The following KCNU1 variants were observed in gnomAD, a reference collection of about 807,000 sequenced individuals.
KCNU1 encodes potassium channel subfamily U member 1.
In KCNU1, 93 loss-of-function variants were observed where a neutral mutation model predicts 126.8. That is an observed-to-expected ratio of 0.73 (90% confidence interval 0.62 to 0.87). The LOEUF is 0.87. KCNU1 is among the 40% of genes least tolerant of loss of function. KCNU1 has a pLI of 0.00. For missense variants in KCNU1, 1,330 were observed against 1,367.1 expected (o/e 0.97, Z 0.43); for synonymous variants, 523 against 494.2 (o/e 1.06, Z -0.77).
intron 19 of KCNU1, among the ~76,000 whole-genome samples, chr8:36,871,579 C>A (rs1441388360): frequency 6.6e-6 from 1 of 152,266 alleles, no homozygotes; most frequent in African/African-American, 2.4e-5. Context: ...CATCTCTCTT[C>A]GTTACTGTCA....
At chr8:36,908,528 C>T (rs903305293) in intron 20 of KCNU1, among the ~76,000 whole-genome samples, 1 of 110,734 alleles carries the variant, frequency 9.0e-6, no homozygotes, top group Admixed American at 1.2e-4. Flanking sequence ...CCCCTCCCCC[C>T]ACCCCACGAC....
At chr8:36,833,448 C>A in intron 10 of KCNU1, 106 bp from the exon 11 acceptor site, 1 of 582,570 alleles carries the variant, frequency 1.7e-6, no homozygotes, top group Non-Finnish European at 3.2e-6. Context: ...TTTTTCATAT[C>A]ACTATGAGGG....
chr8:36,864,417 G>C lies in KCNU1; in HGVS notation c.1905G>C (p.Lys635Asn). ...SRQHITVPSV[K>N]RMKKCLKGIS... ...ATCCTATTGCAGTGCCATCGGTAAA[G>C]AGAATGAAAAAATGTCTGAAGGGAA... is the stretch of plus-strand genomic sequence containing the variant. Residue 635 changes from lysine (K) to asparagine (N), a missense_variant, in exon 19 of 27, where the codon AAG becomes AAC. By Grantham distance (94) the Lys-to-Asn change is moderately conservative. Coordinates refer to ENST00000399881, the MANE Select transcript of KCNU1 (RefSeq NM_001031836.3). The C allele has an allele frequency of 6.2e-7, 1 of 1,603,688 alleles. No homozygotes were observed. The highest frequency in any genetic ancestry group is 2.2e-5 in the East Asian group (1 of 44,764).
intron 2 of KCNU1, among the ~76,000 whole-genome samples, chr8:36,801,229 A>C (rs1049261309): frequency 1.3e-5 from 2 of 152,224 alleles, no homozygotes; most frequent in Admixed American, 6.5e-5. Flanking sequence ...AAGTCTGATT[A>C]GTTGTAAATT....
chr8:36,798,013 C>T (rs533076487), intron 2 of KCNU1, among the ~76,000 whole-genome samples: 2 of 152,170 alleles, frequency 1.3e-5, no homozygotes, highest in Admixed American at 6.5e-5. Context: ...AAAAGGGAAC[C>T]GTTTGTTGCT....
At chr8:36,892,431 T>C (rs1807000497) in intron 19 of KCNU1, among the ~76,000 whole-genome samples, 1 of 152,010 alleles carries the variant, frequency 6.6e-6, no homozygotes, top group Non-Finnish European at 1.5e-5. Flanking sequence ...TAATGGCTCT[T>C]ATAAAATCTT....
intron 19 of KCNU1, among the ~76,000 whole-genome samples, chr8:36,894,972 C>T (rs1156597427): frequency 6.6e-6 from 1 of 152,028 alleles, no homozygotes; most frequent in African/African-American, 2.4e-5. Context: ...TTTATTAGCT[C>T]TCATGAACTT....
At chr8:36,831,202 A>G (rs949435445) in intron 10 of KCNU1, among the ~76,000 whole-genome samples, 4 of 151,866 alleles carry the variant, frequency 2.6e-5, no homozygotes, top group Admixed American at 6.6e-5. Flanking sequence ...TATTGTGAAT[A>G]ATGCCGCAAT....
chr8:36,918,707 T>C lies in KCNU1; in HGVS notation c.2522-116T>C, dbSNP rs553051001. ...AACATAGTAAAGGATTTGGGATTTATACATGAAAGTAACTTTGCTAAGATA... is the reference window on the plus strand; with the variant it reads ...AACATAGTAAAGGATTTGGGATTTACACATGAAAGTAACTTTGCTAAGATA... On this transcript the variant is annotated intron_variant, in intron 22 of 26. Coordinates refer to ENST00000399881, the MANE Select transcript of KCNU1 (RefSeq NM_001031836.3). The C allele has an allele frequency of 6.0e-4, 423 of 709,414 alleles. 7 individuals are homozygous for C. The highest frequency in any genetic ancestry group is 5.2e-3 in the South Asian group (302 of 57,916). 43.9% of individuals were successfully genotyped at this position (709,414 alleles called of 1,614,324 possible). A position where few individuals can be genotyped will look rare whatever the true frequency, so the allele number is the denominator to read the frequency against.
intron 1 of KCNU1, among the ~76,000 whole-genome samples, chr8:36,786,263 T>C (rs1802707640): frequency 6.6e-6 from 1 of 152,168 alleles, no homozygotes; most frequent in Admixed American, 6.6e-5. Context: ...ACCAATTTGT[T>C]TTTCCACAGA....
Position 36,834,805 on chromosome 8 carries a change from G to T in KCNU1, c.1232G>T (p.Cys411Phe). Residue 411 changes from cysteine (C) to phenylalanine (F), a missense_variant, in exon 12 of 27, where the codon TGC becomes TTC. Cys to Phe is a radical substitution (Grantham distance 205). Around this residue, in one of 3 missense-constraint regions of KCNU1, gnomAD observed 1,054 missense variants for 1,053.9 expected, o/e 1.00. Coordinates refer to ENST00000399881, the MANE Select transcript of KCNU1 (RefSeq NM_001031836.3). ...RRVAVESAEA[C>F]LIIANPLCSD... Reference sequence around the variant, plus strand: ...GGGTAGGTGGAATCTGCAGAGGCATGCCTGATTATAGCCAATCCTTTGTGC... The same window carrying T: ...GGGTAGGTGGAATCTGCAGAGGCATTCCTGATTATAGCCAATCCTTTGTGC... 6.2e-7 allele frequency: 1 copy of T among 1,611,294 alleles called. No individual in the cohort carries two copies. Among genetic ancestry groups the T allele is most frequent in the Non-Finnish European group, 8.5e-7 (1 of 1,178,174 alleles).
chr8:36,904,894 G>A (rs1220473239), intron 19 of KCNU1, among the ~76,000 whole-genome samples: 2 of 152,096 alleles, frequency 1.3e-5, no homozygotes, highest in Non-Finnish European at 2.9e-5. Context: ...TGTTGTGTCA[G>A]GCCCTGGGGA....
chr8:36,935,122 G>A (rs549660787), intron 26 of KCNU1, among the ~76,000 whole-genome samples: 11 of 152,164 alleles, frequency 7.2e-5, no homozygotes, highest in Admixed American at 4.6e-4. Context: ...CATGAGTATA[G>A]TGTCTTTTAA....
At chr8:36,887,272 A>G (rs1000918954) in intron 19 of KCNU1, among the ~76,000 whole-genome samples, 1 of 152,142 alleles carries the variant, frequency 6.6e-6, no homozygotes, top group Non-Finnish European at 1.5e-5. Flanking sequence ...CCAACCGTGT[A>G]GAAGCATTCC....
chr8:36,929,826 A>C (rs1433512686), intron 24 of KCNU1, among the ~76,000 whole-genome samples: 1 of 152,086 alleles, frequency 6.6e-6, no homozygotes, highest in Non-Finnish European at 1.5e-5. Context: ...AGGATACTAA[A>C]AGGTTGAGGA....
intron 15 of KCNU1, 116 bp from the exon 16 acceptor site, chr8:36,840,816 G>T: frequency 1.3e-6 from 1 of 770,086 alleles, no homozygotes; most frequent in East Asian, 2.6e-5. Flanking sequence ...ATTCCACATT[G>T]GGAGTTCTTT....
intron 18 of KCNU1, among the ~76,000 whole-genome samples, chr8:36,856,448 T>C (rs1805531232): frequency 6.6e-6 from 1 of 152,214 alleles, no homozygotes; most frequent in Non-Finnish European, 1.5e-5. Flanking sequence ...ACTGGTTGTT[T>C]AGTTAGTTGG....
intron 19 of KCNU1, among the ~76,000 whole-genome samples, chr8:36,885,061 G>A (rs559665442): frequency 9.8e-5 from 15 of 152,306 alleles, no homozygotes; most frequent in Admixed American, 2.0e-4. Context: ...CTGTAAACTA[G>A]TAGGAATATT....
At chr8:36,841,407 C>A (rs1236261572) in intron 16 of KCNU1, among the ~76,000 whole-genome samples, 1 of 152,106 alleles carries the variant, frequency 6.6e-6, no homozygotes, top group African/African-American at 2.4e-5. Flanking sequence ...AAGTAAAGAA[C>A]AATGCTGGGC....
Sources: gnomAD v4.1 joint callset for allele counts (sites outside exome capture counted in the v4.1 genomes callset) on GRCh38, gnomAD v4.1.1 for gene constraint, gnomAD v4.1.1 regional missense constraint, MANE v1.5 for transcripts, NCBI Gene and HGNC (gene_info 2026-07-23, HGNC 2026-07-21) for gene names.